TTPAL: variants seen among roughly 807,000 people sequenced by gnomAD.
TTPAL encodes alpha-tocopherol transfer protein-like.
Under a neutral mutation model 28.7 loss-of-function variants are expected in TTPAL, and 21 were observed. That is an observed-to-expected ratio of 0.73 (90% CI 0.52 to 1.06). The LOEUF (loss-of-function observed/expected upper bound fraction) is 1.06. Among genes scored for constraint, TTPAL ranks in the 50% least tolerant of loss-of-function variants. TTPAL has a pLI of 0.00. For synonymous variants in TTPAL, 169 were observed against 171.9 expected (o/e 0.98, Z 0.13); for missense variants, 345 against 425.5 (o/e 0.81, Z 1.67).
intron 2 of TTPAL, among the ~76,000 whole-genome samples, chr20:44,482,918 C>T (rs1013485519): frequency 6.6e-6 from 1 of 151,910 alleles, no homozygotes; most frequent in African/African-American, 2.4e-5. Flanking sequence ...AGTGCAGTGG[C>T]GCGATCTCGG....
chr20:44,487,336 G>A (rs1279827638), intron 4 of TTPAL, among the ~76,000 whole-genome samples: 2 of 152,074 alleles, frequency 1.3e-5, no homozygotes, highest in African/African-American at 4.8e-5. Context: ...CCACTACTCA[G>A]GAGGCTGAGG....
intron 2 of TTPAL, among the ~76,000 whole-genome samples, chr20:44,481,295 C>T (rs946455043): frequency 2.0e-5 from 3 of 152,048 alleles, no homozygotes; most frequent in Non-Finnish European, 4.4e-5. Flanking sequence ...CTGTAATCCC[C>T]GCACTTTGGG....
In TTPAL at chr20:44,477,643, CTATTTATTTATT is replaced by C. The variant is rs200146629; in HGVS notation, c.-16+1668_-16+1679del. On this transcript the variant is annotated intron_variant, in intron 1 of 4. Transcript: ENST00000262605. ...TATTTTTATTTATTTATCTATCTATCTATTTATTTATTTATTTATTTATTTATCTGAGATAGC... is the reference window on the plus strand; with the variant it reads ...TATTTTTATTTATTTATCTATCTATCTATTTATTTATTTATCTGAGATAGC... Among the ~76,000 whole-genome samples, 119 of 149,976 alleles carry C rather than the reference CTATTTATTTATT, an allele frequency of 7.9e-4. 1 individual carries two copies. Among genetic ancestry groups the C allele is most frequent in the South Asian group, 2.1e-3 (10 of 4,748 alleles).
chr20:44,488,675 G>T lies in TTPAL; in HGVS notation c.751-588G>T, dbSNP rs1454933530. On this transcript the variant is annotated intron_variant, in intron 4 of 4. Transcript: ENST00000262605. Reference sequence around the variant, plus strand: ...ATTTGAGCAAAGACAAGAAGTGAGAGAGTGAGCCATCTAGGTATCTGGGAG... The same window carrying T: ...ATTTGAGCAAAGACAAGAAGTGAGATAGTGAGCCATCTAGGTATCTGGGAG... Among the ~76,000 whole-genome samples the T allele has an allele frequency of 3.9e-5, 6 of 152,226 alleles. No homozygotes were observed. The East Asian group carries it at 1.2e-3, about 29-fold the overall frequency.
chr20:44,487,231 A>G (rs1478752482), intron 4 of TTPAL, among the ~76,000 whole-genome samples: 3 of 151,814 alleles, frequency 2.0e-5, no homozygotes, highest in Non-Finnish European at 4.4e-5. Context: ...GCAGTGAGCC[A>G]AGATCATGCC....
At chr20:44,488,774 G>A (rs1053004471) in intron 4 of TTPAL, among the ~76,000 whole-genome samples, 2 of 152,202 alleles carry the variant, frequency 1.3e-5, no homozygotes, top group Admixed American at 1.3e-4. Flanking sequence ...GCGCAGCTGG[G>A]TCAAGACTGG....
chr20:44,489,835 G>A lies in TTPAL; in HGVS notation c.*294G>A. On this transcript the variant is annotated 3_prime_UTR_variant, in exon 5 of 5. Transcript: ENST00000262605. ...TTGTTTTGCTTTTTGGTTGGGGGGT[G>A]GTGATCTGGTTCTTACACATCTTGG... 1 of 344,260 alleles carries A rather than the reference G, an allele frequency of 2.9e-6. No homozygotes were observed. Among genetic ancestry groups the A allele is most frequent in the Middle Eastern group, 8.4e-4 (1 of 1,184 alleles). 21.3% of individuals were successfully genotyped at this position (344,260 alleles called of 1,614,324 possible). A position where few individuals can be genotyped will look rare whatever the true frequency, so the allele number is the denominator to read the frequency against.
rs2064230602 is a variant in TTPAL, at chr20:44,493,913, C to T, written c.*4372C>T. On this transcript the variant is annotated 3_prime_UTR_variant, in exon 5 of 5. Transcript: ENST00000262605. The stretch of plus-strand genomic sequence containing the variant: ...ATTAGCTGGGTGTGGTGGTGCGTGC[C>T]TGTAATCCCAACTACTTGGGAGGCT... 1 of 152,408 alleles carries T rather than the reference C, an allele frequency of 6.6e-6. No homozygotes were observed. The highest frequency in any genetic ancestry group is 2.4e-5 in the African/African-American group (1 of 41,438). 9.4% of individuals were successfully genotyped at this position (152,408 alleles called of 1,614,324 possible). A position where few individuals can be genotyped will look rare whatever the true frequency, so the allele number is the denominator to read the frequency against.
rs1383411914 is a variant in TTPAL at position 44,480,176 on chromosome 20, G to A, written c.177G>A (p.Gln59=). The change falls in exon 2 of 5, where the codon CAG becomes CAA. Residue 59 remains glutamine (Q), a synonymous_variant. Transcript: ENST00000262605. This position sits in a 1 kb window ranked among gnomAD's most constrained non-coding sequence, Gnocchi z 4.1. ...EKPEWRLRDV[Q]ALRDMVRKEY... is the part of the protein sequence containing the mutation. The stretch of plus-strand genomic sequence containing the variant: ...CGGAATGGAGACTTCGAGATGTGCA[G>A]GCCCTTCGTGACATGGTGCGGAAGG... 4 of 1,614,160 alleles carry A rather than the reference G, an allele frequency of 2.5e-6. No homozygotes were observed. In the African/African-American group the frequency reaches 5.3e-5, roughly 22 times the overall value.
intron 2 of TTPAL, among the ~76,000 whole-genome samples, chr20:44,483,336 C>T (rs995214574): frequency 1.3e-5 from 2 of 152,220 alleles, no homozygotes; most frequent in Non-Finnish European, 2.9e-5. Flanking sequence ...CCCAGGCCAG[C>T]TCTCTTGCCT....
Position 44,489,563 on chromosome 20 carries a change from C to A in TTPAL, c.*22C>A. On this transcript the variant is annotated 3_prime_UTR_variant, in exon 5 of 5. Transcript: ENST00000262605. ...CTAGCCCGTCCCCCAGGGTCACCAT[C>A]TTTAATTCTTTTCCTTCTTTTCTTT... 6.3e-7 allele frequency: 1 copy of A among 1,599,608 alleles called. No homozygotes were observed. Among genetic ancestry groups the A allele is most frequent in the Non-Finnish European group, 8.5e-7 (1 of 1,171,452 alleles).
At position 44,484,410 on chromosome 20, in the gene TTPAL, T is replaced by A. The variant is rs377607598; in HGVS notation, c.519T>A (p.Ile173=). 7 of 1,607,596 alleles carry A rather than the reference T, an allele frequency of 4.4e-6. No homozygotes were observed. In the East Asian group the frequency reaches 1.6e-4, roughly 36 times the overall value. The stretch of plus-strand genomic sequence containing the variant: ...TATACTTGACCTTAGAAAAACTCAT[T>A]CAGTCTGAAGAAACCCAGGTGAATG... ...RAIYLTLEKL[I]QSEETQVNGI... The change falls in exon 3 of 5, where the codon ATT becomes ATA. Residue 173 remains isoleucine, a synonymous_variant. Transcript: ENST00000262605.
chr20:44,483,038 A>G (rs575771463), intron 2 of TTPAL, among the ~76,000 whole-genome samples: 1 of 151,982 alleles, frequency 6.6e-6, no homozygotes, highest in Non-Finnish European at 1.5e-5. Flanking sequence ...TTGTATTTTC[A>G]GTAAAGACAG....
At chr20:44,483,728 T>TTA (rs2064127189) in intron 2 of TTPAL, among the ~76,000 whole-genome samples, 1 of 152,146 alleles carries the variant, frequency 6.6e-6, no homozygotes, top group Admixed American at 6.5e-5. Context: ...GAGTGAGGTA[T>TTA]TATAGTAACT....
In TTPAL at chr20:44,485,442, G is replaced by A. The variant is rs967779347; in HGVS notation, c.639+912G>A. ...AAGATGGAGACCTAGAGAAAATATA[G>A]CCTGTCACAGCTGTGACAGGTTTTG... is the stretch of plus-strand genomic sequence containing the variant. On this transcript the variant is annotated intron_variant, in intron 3 of 4. Transcript: ENST00000262605. Among the ~76,000 whole-genome samples, 38 of 152,128 alleles carry A rather than the reference G, an allele frequency of 2.5e-4. 1 individual carries two copies. Among genetic ancestry groups the A allele is most frequent in the Non-Finnish European group, 1.5e-5 (1 of 68,024 alleles).
rs1408607930 is a variant in TTPAL, at chr20:44,480,194, G to A, written c.195G>A (p.Val65=). ...LRDVQALRDM[V]RKEYPNLSTS... ...ATGTGCAGGCCCTTCGTGACATGGT[G>A]CGGAAGGAGTACCCCAACCTGAGCA... The change falls in exon 2 of 5, where the codon GTG becomes GTA. Residue 65 remains valine, a synonymous_variant. Coordinates refer to ENST00000262605, the MANE Select transcript of TTPAL (RefSeq NM_001039199.3). This position sits in a 1 kb window ranked among gnomAD's most constrained non-coding sequence, Gnocchi z 4.1. 8 of 1,614,028 alleles carry A rather than the reference G, an allele frequency of 5.0e-6. No homozygotes were observed. Among genetic ancestry groups the A allele is most frequent in the Middle Eastern group, 1.6e-4 (1 of 6,084 alleles).
chr20:44,481,585 A>G (rs577802046), intron 2 of TTPAL, among the ~76,000 whole-genome samples: 2 of 152,288 alleles, frequency 1.3e-5, no homozygotes, highest in African/African-American at 4.8e-5. Flanking sequence ...GTAAGATGCA[A>G]TGTTCTCCCC....
chr20:44,489,496 C>CG lies in TTPAL; in HGVS notation c.985dup (p.Asp329GlyfsTer49). On this transcript the variant is annotated frameshift_variant, in exon 5 of 5. Transcript: ENST00000262605. LOFTEE classifies it high-confidence loss of function. ...GCCTGACCTCAGATGCACAGTGTGACGACTCCTTGCGAGCTGTGAAGTCAC... is the reference window on the plus strand; with the variant it reads ...GCCTGACCTCAGATGCACAGTGTGACGGACTCCTTGCGAGCTGTGAAGTCAC... The CG allele has an allele frequency of 6.2e-7, 1 of 1,614,222 alleles. No individual in the cohort carries two copies. Among genetic ancestry groups the CG allele is most frequent in the South Asian group, 1.1e-5 (1 of 91,082 alleles).
Position 44,480,297 on chromosome 20 carries a change from G to A in TTPAL, c.298G>A (p.Val100Ile), listed in dbSNP as rs746679741. Residue 100 changes from valine (V) to isoleucine (I), a missense_variant, in exon 2 of 5, where the codon GTC (valine) becomes ATC (isoleucine). Physicochemically the swap from Val to Ile is conservative, Grantham distance 29 (BLOSUM62 3). Transcript: ENST00000262605. This position sits in a 1 kb window ranked among gnomAD's most constrained non-coding sequence, Gnocchi z 4.1. ...TTACGACCGGGCCCTGCAGCTCCTCGTCAACTACCACAGCTGTAGAAGAAG... is the reference window on the plus strand; with the variant it reads ...TTACGACCGGGCCCTGCAGCTCCTCATCAACTACCACAGCTGTAGAAGAAG... ...FDYDRALQLL[V>I]NYHSCRRSWP... 51 of 1,613,962 alleles carry A rather than the reference G, an allele frequency of 3.2e-5. No individual in the cohort carries two copies. The highest frequency in any genetic ancestry group is 1.1e-4 in the South Asian group (10 of 91,084).
Sources: gnomAD v4.1 joint callset for allele counts (sites outside exome capture counted in the v4.1 genomes callset) on GRCh38, gnomAD v4.1.1 for gene constraint, Gnocchi (gnomAD v3.1) non-coding constraint, MANE v1.5 for transcripts, NCBI Gene and HGNC (gene_info 2026-07-23, HGNC 2026-07-21) for gene names.